Variants in MYT1 observed in about 807,000 individuals in gnomAD.
MYT1 encodes the protein myelin transcription factor 1.
In MYT1, 23 loss-of-function variants were observed where a neutral mutation model predicts 123.0. The ratio of observed to expected loss-of-function variants is 0.19; its 90% CI spans 0.13 to 0.26. The LOEUF (loss-of-function observed/expected upper bound fraction) is 0.26, where lower values mean the gene tolerates loss of function less well. MYT1 is among the 10% of genes least tolerant of loss of function. MYT1 has a pLI of 1.00. For missense variants in MYT1, 1,125 were observed against 1,472.5 expected, an observed-to-expected ratio of 0.76 and a Z score of 3.86; for synonymous variants, 518 against 575.3, an observed-to-expected ratio of 0.90 and a Z score of 1.43.
At chr20:64,201,999 CCGCGTGTCGGGAACCCCT>C (rs1212442201) in intron 4 of MYT1, among the ~76,000 whole-genome samples, 11,963 of 136,438 alleles carry the variant, frequency 0.088, 819 homozygotes, top group Non-Finnish European at 0.12. Context: ...TCGGGAACCC[CCGCGTGTCGGGAACCCCT>C]CGCGTGTCGG....
intron 21 of MYT1, among the ~76,000 whole-genome samples, chr20:64,238,526 C>G (rs1445893663): frequency 6.6e-6 from 1 of 152,212 alleles, no homozygotes; most frequent in African/African-American, 2.4e-5. Flanking sequence ...TAGCATCACC[C>G]CACAGGGATC....
chr20:64,177,651 C>A (rs1036873245), intron 1 of MYT1, among the ~76,000 whole-genome samples: 8 of 150,078 alleles, frequency 5.3e-5, no homozygotes, highest in Admixed American at 3.3e-4. Flanking sequence ...GGGCACCCCT[C>A]TCCAGGGCAG....
At chr20:64,225,860 C>T (rs143089350) in intron 16 of MYT1, among the ~76,000 whole-genome samples, 12 of 152,188 alleles carry the variant, frequency 7.9e-5, no homozygotes, top group Non-Finnish European at 1.6e-4. Flanking sequence ...GATGGCCCCC[C>T]CTGTGTGTTA....
intron 19 of MYT1, among the ~76,000 whole-genome samples, chr20:64,235,103 G>A (rs1202804244): frequency 1.4e-5 from 2 of 146,428 alleles, no homozygotes; most frequent in Non-Finnish European, 3.0e-5. Flanking sequence ...GATGGCCGTG[G>A]TGGGTGACCC....
At chr20:64,173,401 G>A (rs1177417526) in intron 1 of MYT1, among the ~76,000 whole-genome samples, 1 of 152,134 alleles carries the variant, frequency 6.6e-6, no homozygotes, top group Non-Finnish European at 1.5e-5. Flanking sequence ...CAGTAGAGAT[G>A]GTCAGGGGAG....
intron 1 of MYT1, among the ~76,000 whole-genome samples, chr20:64,180,572 CCTT>C (rs1982624697): frequency 6.6e-6 from 1 of 152,218 alleles, no homozygotes; most frequent in African/African-American, 2.4e-5. Context: ...GGTGGGGACA[CCTT>C]CTCCCCTGCA....
chr20:64,225,440 G>A (rs1296982329), intron 16 of MYT1, among the ~76,000 whole-genome samples: 4 of 152,200 alleles, frequency 2.6e-5, no homozygotes, highest in African/African-American at 9.6e-5. Flanking sequence ...TGTCTGATGT[G>A]GTCAAGGGCT....
At chr20:64,187,994 T>C (rs1408080773) in intron 1 of MYT1, among the ~76,000 whole-genome samples, 1 of 152,194 alleles carries the variant, frequency 6.6e-6, no homozygotes, top group African/African-American at 2.4e-5. Context: ...GGGATGCTAG[T>C]GCTCTGCCTG....
intron 17 of MYT1, 91 bp from the exon 18 acceptor site, chr20:64,227,797 C>A: frequency 1.5e-5 from 10 of 671,036 alleles, no homozygotes; most frequent in Admixed American, 2.7e-5. Flanking sequence ...ACCCTGGGGT[C>A]ACAGAGCTTG....
At chr20:64,200,017 C>A in intron 4 of MYT1, 95 bp downstream of exon 4, 2 of 1,438,626 alleles carry the variant, frequency 1.4e-6, no homozygotes, top group Non-Finnish European at 2.0e-6. Flanking sequence ...CTTGGATTGA[C>A]CAAACACCCC....
At chr20:64,215,178 C>T (rs912239) in intron 10 of MYT1, among the ~76,000 whole-genome samples, 36,256 of 152,148 alleles carry the variant, frequency 0.24, 4,511 homozygotes, top group African/African-American at 0.29. Context: ...TCTAAATCAC[C>T]GATAAAATGT....
chr20:64,170,102 A>G (rs911620166), intron 1 of MYT1, among the ~76,000 whole-genome samples: 2 of 151,578 alleles, frequency 1.3e-5, no homozygotes, highest in Non-Finnish European at 2.9e-5. Flanking sequence ...ATACCCTCCA[A>G]CCTTATTCTC....
chr20:64,199,798 C>T, intron 3 of MYT1, 94 bp from the exon 4 acceptor site: 1 of 1,449,616 alleles, frequency 6.9e-7, no homozygotes, highest in Non-Finnish European at 9.7e-7. Context: ...CTTGGCAAAC[C>T]TCTCGGCTGT....
In MYT1 at chr20:64,166,380, C is replaced by T. The variant is rs946838005; in HGVS notation, c.-99+1641C>T. ...GACTCCTACAGGGTCCCCCCGACCCCCTGGGCACCTGGACGTTTGCCGAAC... is the reference window on the plus strand; with the variant it reads ...GACTCCTACAGGGTCCCCCCGACCCTCTGGGCACCTGGACGTTTGCCGAAC... On this transcript the variant is annotated intron_variant, in intron 1 of 22. Transcript: ENST00000328439. This position sits in a 1 kb window ranked among gnomAD's most constrained non-coding sequence, Gnocchi z 4.9. Among the ~76,000 whole-genome samples, 1 of 152,278 alleles carries T rather than the reference C, an allele frequency of 6.6e-6. No homozygotes were observed. Among genetic ancestry groups the T allele is most frequent in the Non-Finnish European group, 1.5e-5 (1 of 68,000 alleles).
intron 1 of MYT1, among the ~76,000 whole-genome samples, chr20:64,169,265 G>A (rs534985868): frequency 1.1e-4 from 16 of 152,294 alleles, no homozygotes; most frequent in African/African-American, 3.4e-4. Flanking sequence ...CTCTCGGACC[G>A]CAAACTGACA....
Position 64,205,731 on chromosome 20 carries a change from G to A in MYT1, c.328G>A (p.Gly110Arg), listed in dbSNP as rs1983470857. The change falls in exon 6 of 23, where the codon GGA (glycine) becomes AGA (arginine). Residue 110 changes from glycine (G) to arginine (R), a missense_variant. Transcript: ENST00000328439. ...KDASVSDESE[G>R]TLEGAEAETS... is the part of the protein sequence containing the mutation. The stretch of plus-strand genomic sequence containing the variant: ...CGCCTCTGTTTCGGATGAATCGGAA[G>A]GAACTCTGGAGGGGGCCGAGGCTGA... 1.9e-6 allele frequency: 3 copies of A among 1,614,112 alleles called. No individual in the cohort carries two copies. Among genetic ancestry groups the A allele is most frequent in the Non-Finnish European group, 2.5e-6 (3 of 1,180,050 alleles).
At chr20:64,227,182 T>G (rs1984190182) in intron 16 of MYT1, among the ~76,000 whole-genome samples, 1 of 152,154 alleles carries the variant, frequency 6.6e-6, no homozygotes, top group African/African-American at 2.4e-5. Flanking sequence ...CTGGTCTCCC[T>G]CGGGGAGACG....
rs569758206 is a variant in MYT1 at position 64,200,920 on chromosome 20, G to A, written c.86+998G>A. Among the ~76,000 whole-genome samples the A allele has an allele frequency of 3.3e-5, 5 of 152,300 alleles. No homozygotes were observed. The East Asian group carries it at 5.8e-4, about 18-fold the overall frequency. ...GGGTGCTCCCCAGAACACAGTCCCC[G>A]GAAGCACAGGGGTCGGCTCCCTGGA... On this transcript the variant is annotated intron_variant, in intron 4 of 22. Transcript: ENST00000328439.
At position 64,198,934 on chromosome 20, in the gene MYT1, CT is replaced by C; in HGVS notation, c.55+19del. The C allele has an allele frequency of 6.2e-7, 1 of 1,613,588 alleles. No homozygotes were observed. The highest frequency in any genetic ancestry group is 1.1e-5 in the South Asian group (1 of 91,062). On this transcript the variant is annotated intron_variant, in intron 3 of 22. Coordinates refer to ENST00000328439, the MANE Select transcript of MYT1 (RefSeq NM_004535.3). Reference sequence around the variant, plus strand: ...CCTGCGAGGTGAGTGCCGCCCTCCCCTCCTCCAGGGCTGTAAATGCCACTTT... The same window carrying C: ...CCTGCGAGGTGAGTGCCGCCCTCCCCCCTCCAGGGCTGTAAATGCCACTTT...
Sources: gnomAD v4.1 joint callset for allele counts (sites outside exome capture counted in the v4.1 genomes callset) on GRCh38, gnomAD v4.1.1 for gene constraint, Gnocchi (gnomAD v3.1) non-coding constraint, MANE v1.5 for transcripts, NCBI Gene and HGNC (gene_info 2026-07-23, HGNC 2026-07-21) for gene names.